KIAA0513: variants seen among roughly 807,000 people sequenced by gnomAD.
The protein encoded by KIAA0513 is uncharacterized protein KIAA0513.
A neutral mutation model predicts 56.5 loss-of-function variants in KIAA0513; 39 were observed. That is an observed-to-expected ratio of 0.69 (90% CI 0.53 to 0.90). KIAA0513 has a LOEUF of 0.90. KIAA0513 is among the 40% of genes least tolerant of loss of function. The pLI is 0.00. For missense variants in KIAA0513, 591 were observed against 535.2 expected (o/e 1.10, Z -1.03); for synonymous variants, 268 against 215.6 (o/e 1.24, Z -2.13).
At chr16:85,067,484 C>A in intron 2 of KIAA0513, 84 bp downstream of exon 2, 1 of 1,112,492 alleles carries the variant, frequency 9.0e-7, no homozygotes, top group Non-Finnish European at 1.3e-6. Flanking sequence ...TCTGCCTCTC[C>A]CCAGGGTGCC....
chr16:85,081,247 A>G lies in KIAA0513; in HGVS notation c.903-68A>G. On this transcript the variant is annotated intron_variant, in intron 8 of 12. Transcript: ENST00000683363. This position sits in a 1 kb window ranked among gnomAD's most constrained non-coding sequence, Gnocchi z 4.4. ...AGACACTGCCCTTGTTTATCCCTCA[A>G]GGGGCCCACAACCCGTGTCCTCCCC... 7.1e-7 allele frequency: 1 copy of G among 1,415,662 alleles called. No homozygotes were observed. The highest frequency in any genetic ancestry group is 1.0e-6 in the Non-Finnish European group (1 of 1,001,132). The allele number at this position is 1,415,662 out of a possible 1,614,324, so 87.7% of individuals were successfully genotyped here.
intron 1 of KIAA0513, among the ~76,000 whole-genome samples, chr16:85,045,216 G>T (rs1168579815): frequency 6.6e-6 from 1 of 152,224 alleles, no homozygotes. Flanking sequence ...ACATCTCTGT[G>T]CTGTGAAAGA....
rs139487660 is a variant in KIAA0513 at position 85,067,108 on chromosome 16, G to A, written c.37G>A (p.Asp13Asn). ...AGAGGTCCCCGTGGGCTCGCTAATC[G>A]ACTTTGGGCCTGAGGCACCCACCTC... is the stretch of plus-strand genomic sequence containing the variant. ...TPEVPVGSLI[D>N]FGPEAPTSSP... The change falls in exon 2 of 13, where the codon GAC (aspartate) becomes AAC (asparagine). Residue 13 changes from aspartate (D) to asparagine (N), a missense_variant. Transcript: ENST00000683363. 5,084 of 1,606,674 alleles carry A rather than the reference G, an allele frequency of 3.2e-3. 9 individuals are homozygous for A. Among genetic ancestry groups the A allele is most frequent in the Non-Finnish European group, 3.7e-3 (4,372 of 1,175,210 alleles).
intron 1 of KIAA0513, among the ~76,000 whole-genome samples, chr16:85,034,082 G>A (rs2073003129): frequency 6.6e-6 from 1 of 152,092 alleles, no homozygotes; most frequent in Non-Finnish European, 1.5e-5. Flanking sequence ...TGTTTCCCAT[G>A]TTAAGAGCTG....
intron 1 of KIAA0513, among the ~76,000 whole-genome samples, chr16:85,050,068 C>T (rs2073228708): frequency 6.6e-6 from 1 of 152,088 alleles, no homozygotes; most frequent in Admixed American, 6.5e-5. Flanking sequence ...CGGGTTCTAA[C>T]ACGCAGTTGC....
chr16:85,067,445 C>T (rs1311912965), intron 2 of KIAA0513, 45 bp downstream of exon 2: 1 of 1,457,004 alleles, frequency 6.9e-7, no homozygotes, highest in Non-Finnish European at 9.3e-7. Flanking sequence ...GGCCACAGGG[C>T]CCAAGGGGAC....
chr16:85,081,467 G>T lies in KIAA0513; in HGVS notation c.980+75G>T. 2.3e-6 allele frequency: 3 copies of T among 1,309,430 alleles called. No homozygotes were observed. The highest frequency in any genetic ancestry group is 1.3e-5 in the South Asian group (1 of 79,038). 81.1% of individuals were successfully genotyped at this position (1,309,430 alleles called of 1,614,324 possible). On this transcript the variant is annotated intron_variant, in intron 9 of 12. Coordinates refer to ENST00000683363, the MANE Select transcript of KIAA0513 (RefSeq NM_001388359.1). This position sits in a 1 kb window ranked among gnomAD's most constrained non-coding sequence, Gnocchi z 4.4. Reference sequence around the variant, plus strand: ...GTGGCTTTATTTCCCGGTTTCGGAAGAGGAGAGCAGAAGAGCAGCTGAGTG... The same window carrying T: ...GTGGCTTTATTTCCCGGTTTCGGAATAGGAGAGCAGAAGAGCAGCTGAGTG...
intron 1 of KIAA0513, among the ~76,000 whole-genome samples, chr16:85,066,289 T>C (rs1312616561): frequency 1.3e-5 from 2 of 152,066 alleles, no homozygotes; most frequent in Non-Finnish European, 2.9e-5. Flanking sequence ...CTGCCCAGGC[T>C]GAGGAGCCGA....
intron 4 of KIAA0513, among the ~76,000 whole-genome samples, chr16:85,075,081 A>T (rs1398857588): frequency 2.0e-5 from 2 of 99,116 alleles, no homozygotes; most frequent in Non-Finnish European, 4.8e-5. Context: ...TATTTAGACA[A>T]TATGGGATTT....
At chr16:85,054,721 C>T (rs553528233) in intron 1 of KIAA0513, among the ~76,000 whole-genome samples, 18 of 152,222 alleles carry the variant, frequency 1.2e-4, no homozygotes, top group Non-Finnish European at 2.2e-4. Flanking sequence ...TGAGCCACCA[C>T]GCCCAGCCAA....
intron 1 of KIAA0513, among the ~76,000 whole-genome samples, chr16:85,046,071 G>A (rs1047265510): frequency 3.3e-5 from 5 of 152,150 alleles, no homozygotes; most frequent in African/African-American, 1.2e-4. Context: ...GATCTTGCCT[G>A]CATTCTGGCT....
intron 1 of KIAA0513, among the ~76,000 whole-genome samples, chr16:85,044,652 G>A (rs949722480): frequency 1.1e-4 from 17 of 151,780 alleles, no homozygotes; most frequent in East Asian, 2.0e-4. Context: ...GACTACAGGC[G>A]CGTGCCACCA....
intron 2 of KIAA0513, among the ~76,000 whole-genome samples, chr16:85,070,148 G>T (rs1291840185): frequency 1.3e-5 from 2 of 149,782 alleles, no homozygotes; most frequent in Admixed American, 6.7e-5. Flanking sequence ...TCCAGCCTGG[G>T]TGACAAAGGG....
intron 1 of KIAA0513, among the ~76,000 whole-genome samples, chr16:85,065,257 G>C (rs567420834): frequency 2.8e-3 from 426 of 152,310 alleles, no homozygotes; most frequent in Admixed American, 6.1e-3. Flanking sequence ...CCTCGGCCAG[G>C]GGGGACCCAT....
chr16:85,058,120 C>T (rs374966282), intron 1 of KIAA0513, among the ~76,000 whole-genome samples: 26 of 152,316 alleles, frequency 1.7e-4, no homozygotes, highest in African/African-American at 6.0e-4. Context: ...ATCAGAACCT[C>T]GGCACTTCAG....
intron 1 of KIAA0513, among the ~76,000 whole-genome samples, chr16:85,048,083 A>C (rs1037599774): frequency 3.9e-5 from 6 of 152,216 alleles, no homozygotes; most frequent in African/African-American, 1.4e-4. Flanking sequence ...GTCTGGGATT[A>C]CAAACAGAAA....
At chr16:85,042,974 A>G (rs769292789) in intron 1 of KIAA0513, among the ~76,000 whole-genome samples, 4 of 152,242 alleles carry the variant, frequency 2.6e-5, no homozygotes, top group Non-Finnish European at 5.9e-5. Context: ...CTGTGATTGT[A>G]TATAACTTCT....
Position 85,077,413 on chromosome 16 carries a change from C to G in KIAA0513, c.575-12C>G, listed in dbSNP as rs1305823278. Reference sequence around the variant, plus strand: ...CCTCACTGGCCTCGTCTTGTTCCCTCTCTCATCCAAGGAAAACCACAGCTG... The same window carrying G: ...CCTCACTGGCCTCGTCTTGTTCCCTGTCTCATCCAAGGAAAACCACAGCTG... On this transcript the variant is annotated splice_polypyrimidine_tract_variant and intron_variant, in intron 5 of 12. Transcript: ENST00000683363. The G allele has an allele frequency of 5.6e-6, 9 of 1,613,300 alleles. No homozygotes were observed. Among genetic ancestry groups the G allele is most frequent in the African/African-American group, 4.0e-5 (3 of 74,922 alleles).
At chr16:85,062,001 C>G (rs1048926621) in intron 1 of KIAA0513, among the ~76,000 whole-genome samples, 1 of 152,110 alleles carries the variant, frequency 6.6e-6, no homozygotes, top group Non-Finnish European at 1.5e-5. Flanking sequence ...GGGTCACCTT[C>G]AAGCCTTTTC....
Sources: allele counts gnomAD v4.1 joint callset (sites outside exome capture counted in the v4.1 genomes callset), GRCh38; gene constraint gnomAD v4.1.1; non-coding constraint Gnocchi (gnomAD v3.1); transcripts MANE v1.5; gene names NCBI Gene and HGNC (gene_info 2026-07-23, HGNC 2026-07-21).